The following SLIT3 variants were observed in gnomAD, a reference collection of about 807,000 sequenced individuals.
SLIT3 encodes slit homolog 3 protein.
A neutral mutation model predicts 184.0 loss-of-function variants in SLIT3; 68 were observed. That is an observed-to-expected ratio of 0.37 (90% CI 0.30 to 0.45). SLIT3 has a LOEUF of 0.45. Ranked by LOEUF, SLIT3 falls within the 20% of genes least tolerant of loss-of-function variation. The pLI is 1.00. For missense variants in SLIT3, 1,707 were observed against 2,026.0 expected (o/e 0.84, Z 3.02); for synonymous variants, 831 against 828.6 (o/e 1.00, Z -0.05).
intron 4 of SLIT3, among the ~76,000 whole-genome samples, chr5:168,951,768 C>CCAGG (rs1762657845): frequency 6.6e-6 from 1 of 152,168 alleles, no homozygotes; most frequent in South Asian, 2.1e-4. Context: ...AAAGCCTGAT[C>CCAGG]CAGGCCAAGG....
At chr5:169,297,961 C>A (rs1767563092) in intron 1 of SLIT3, among the ~76,000 whole-genome samples, 1 of 152,202 alleles carries the variant, frequency 6.6e-6, no homozygotes, top group Non-Finnish European at 1.5e-5. Context: ...CTGAAGAAAT[C>A]CTTGGCAGAG....
chr5:168,989,880 T>C (rs1020166784), intron 4 of SLIT3, among the ~76,000 whole-genome samples: 2 of 152,218 alleles, frequency 1.3e-5, no homozygotes, highest in African/African-American at 4.8e-5. Flanking sequence ...CCAGGTTGAA[T>C]GTCCCCTGAG....
intron 3 of SLIT3, among the ~76,000 whole-genome samples, chr5:169,228,461 G>A (rs1359450539): frequency 3.3e-5 from 5 of 152,124 alleles, no homozygotes; most frequent in South Asian, 2.1e-4. Context: ...GTAATGACAC[G>A]GGTGCCGTCA....
In SLIT3 at chr5:168,664,070, T is replaced by A. The variant is rs1760954291; in HGVS notation, c.*2384A>T. On this transcript the variant is annotated 3_prime_UTR_variant, in exon 36 of 36. Transcript: ENST00000519560. ...ACTCTTGGGCAAGTTCTTTAACTTC[T>A]CTGTGTCTCAGTCTACTCAACTGTA... 1 of 152,254 alleles carries A rather than the reference T, an allele frequency of 6.6e-6. No individual in the cohort carries two copies. Among genetic ancestry groups the A allele is most frequent in the African/African-American group, 2.4e-5 (1 of 41,456 alleles). 9.4% of individuals were successfully genotyped at this position (152,254 alleles called of 1,614,324 possible).
Position 168,951,368 on chromosome 5 carries a change from T to C in SLIT3, c.414-68032A>G, listed in dbSNP as rs1048978152. Reference sequence around the variant, plus strand: ...GGTTCTGTCCCTTTATCTCAGGAGATAACAGTCACAAGGAGAAAAATTGGC... The same window carrying C: ...GGTTCTGTCCCTTTATCTCAGGAGACAACAGTCACAAGGAGAAAAATTGGC... On this transcript the variant is annotated intron_variant, in intron 4 of 35. Coordinates refer to ENST00000519560, the MANE Select transcript of SLIT3 (RefSeq NM_003062.4). 3.9e-5 allele frequency among the ~76,000 whole-genome samples: 6 copies of C among 152,104 alleles called. No individual in the cohort carries two copies. In the East Asian group the frequency reaches 5.8e-4, roughly 15 times the overall value.
chr5:169,203,728 T>C (rs950507493), intron 3 of SLIT3, among the ~76,000 whole-genome samples: 1 of 152,036 alleles, frequency 6.6e-6, no homozygotes, highest in Non-Finnish European at 1.5e-5. Flanking sequence ...AATTTGAGGG[T>C]AGAGCAGACA....
At chr5:168,917,786 G>A (rs1163893510) in intron 4 of SLIT3, among the ~76,000 whole-genome samples, 1 of 150,890 alleles carries the variant, frequency 6.6e-6, no homozygotes, top group Admixed American at 6.6e-5. Context: ...GGAAACCTTC[G>A]CAGCAGTATT....
At chr5:168,777,522 T>C (rs1345585909) in intron 12 of SLIT3, among the ~76,000 whole-genome samples, 1 of 152,224 alleles carries the variant, frequency 6.6e-6, no homozygotes, top group Non-Finnish European at 1.5e-5. Flanking sequence ...GATGCTCCTT[T>C]GTTTCCTATT....
At chr5:168,749,753 T>C (rs931287528) in intron 18 of SLIT3, 118 bp from the exon 19 acceptor site, 2 of 1,025,292 alleles carry the variant, frequency 2.0e-6, no homozygotes, top group Admixed American at 2.1e-5. Context: ...GAAGGAAACG[T>C]AGGCTCTTCC....
chr5:168,719,282 C>A (rs1762859054), intron 23 of SLIT3, among the ~76,000 whole-genome samples: 1 of 152,202 alleles, frequency 6.6e-6, no homozygotes, highest in African/African-American at 2.4e-5. Flanking sequence ...GAACTCCTGA[C>A]TTCAGGTGAT....
chr5:169,138,104 G>A (rs549050709), intron 4 of SLIT3, among the ~76,000 whole-genome samples: 5 of 152,306 alleles, frequency 3.3e-5, no homozygotes, highest in South Asian at 2.1e-4. Flanking sequence ...GGAAAATGGG[G>A]CAATAGCAGC....
chr5:169,122,891 A>G (rs1399298892), intron 4 of SLIT3, among the ~76,000 whole-genome samples: 2 of 152,208 alleles, frequency 1.3e-5, no homozygotes, highest in Non-Finnish European at 2.9e-5. Context: ...AAAATCCTTG[A>G]ACTTTACCTA....
intron 5 of SLIT3, among the ~76,000 whole-genome samples, chr5:168,850,848 C>T (rs1171910473): frequency 2.6e-5 from 4 of 152,206 alleles, no homozygotes; most frequent in East Asian, 3.9e-4. Flanking sequence ...ATGCAAACAG[C>T]GATGATGGAT....
chr5:168,890,646 CT>C (rs1308720661), intron 4 of SLIT3, among the ~76,000 whole-genome samples: 1 of 152,088 alleles, frequency 6.6e-6, no homozygotes, highest in African/African-American at 2.4e-5. Flanking sequence ...AAAATGATCT[CT>C]AAGTTTTGCT....
intron 4 of SLIT3, among the ~76,000 whole-genome samples, chr5:168,951,833 C>T (rs982298674): frequency 2.6e-5 from 4 of 152,126 alleles, no homozygotes; most frequent in Non-Finnish European, 4.4e-5. Flanking sequence ...GAAGAGAGAC[C>T]TCTGCCAAAG....
intron 4 of SLIT3, among the ~76,000 whole-genome samples, chr5:169,085,859 G>C (rs1759272549): frequency 6.6e-6 from 1 of 152,162 alleles, no homozygotes; most frequent in South Asian, 2.1e-4. Flanking sequence ...CATGGGTGTT[G>C]CTAGGCAGCC....
chr5:168,851,467 A>G (rs1758677954), intron 5 of SLIT3, among the ~76,000 whole-genome samples: 1 of 152,176 alleles, frequency 6.6e-6, no homozygotes. Context: ...AAGCAAATCA[A>G]ACGAAAACAC....
At chr5:169,085,146 C>G (rs1421599256) in intron 4 of SLIT3, among the ~76,000 whole-genome samples, 1 of 152,176 alleles carries the variant, frequency 6.6e-6, no homozygotes, top group Non-Finnish European at 1.5e-5. Context: ...TTAAATTCAG[C>G]CCTCCAACTT....
chr5:168,817,233 ATGT>A, intron 8 of SLIT3, 64 bp downstream of exon 8: 1 of 1,450,318 alleles, frequency 6.9e-7, no homozygotes, highest in Non-Finnish European at 9.7e-7. Context: ...GGTCAGGGTG[ATGT>A]TGTGGGAGCT....
Sources: gnomAD v4.1 joint callset for allele counts (sites outside exome capture counted in the v4.1 genomes callset) on GRCh38, gnomAD v4.1.1 for gene constraint, MANE v1.5 for transcripts, NCBI Gene and HGNC (gene_info 2026-07-23, HGNC 2026-07-21) for gene names.